EPG5: variants seen among roughly 807,000 people sequenced by gnomAD.
EPG5 encodes ectopic P granules protein 5 homolog.
EPG5 carries 159 observed loss-of-function variants against 302.7 expected under a neutral mutation model. The ratio of observed to expected loss-of-function variants is 0.53; its 90% CI spans 0.46 to 0.60. EPG5 has a LOEUF of 0.60. Ranked by LOEUF, EPG5 falls within the 20% of genes least tolerant of loss-of-function variation. The pLI, the probability that EPG5 is intolerant of heterozygous loss-of-function variation, is 0.00. For missense variants in EPG5, 2,896 were observed against 3,092.4 expected (o/e 0.94, Z 1.51); for synonymous variants, 1,158 against 1,136.8 (o/e 1.02, Z -0.37).
intron 6 of EPG5, among the ~76,000 whole-genome samples, chr18:45,947,205 G>A (rs948216038): frequency 6.6e-6 from 1 of 152,164 alleles, no homozygotes; most frequent in African/African-American, 2.4e-5. Flanking sequence ...ATGAGGTCAA[G>A]AGATCGAGAC....
chr18:45,843,927 G>C (rs2048345686), downstream of EPG5: 1 of 152,146 alleles, frequency 6.6e-6, no homozygotes, highest in Non-Finnish European at 1.5e-5. Context: ...TCCCACTGCT[G>C]GGTATCTGTC....
chr18:45,923,498 G>A, intron 14 of EPG5, 111 bp from the exon 15 acceptor site: 1 of 1,196,700 alleles, frequency 8.4e-7, no homozygotes, highest in Non-Finnish European at 1.1e-6. Flanking sequence ...CGATGTAGAA[G>A]CTAAATGTTC....
intron 16 of EPG5, among the ~76,000 whole-genome samples, chr18:45,918,865 A>G (rs1165134459): frequency 2.6e-5 from 4 of 152,246 alleles, no homozygotes; most frequent in Non-Finnish European, 4.4e-5. Context: ...GAGTCATTGT[A>G]CAAGAGTGGC....
chr18:45,918,363 T>C (rs1410404177), intron 16 of EPG5, among the ~76,000 whole-genome samples: 1 of 152,204 alleles, frequency 6.6e-6, no homozygotes, highest in Non-Finnish European at 1.5e-5. Flanking sequence ...AAATCCAAAA[T>C]GCCCCAATGA....
chr18:45,838,025 A>G, the EPG5 span: 14,758 of 1,195,598 alleles, frequency 0.012, 1,154 homozygotes, highest in African/African-American at 0.19. Context: ...CCTCTCCTCT[A>G]CCCCAGGGAT....
chr18:45,925,874 G>C lies in EPG5; in HGVS notation c.2582C>G (p.Pro861Arg), dbSNP rs1415942232. ...MVSLYLFKEL[P>R]LYLWQPSASE... ...TGCAGAAGGTTGCCAAAGATACAAA[G>C]GCAGTTCTTTAAACAAGTATAGAGA... The change falls in exon 14 of 44, where the codon CCT (proline) becomes CGT (arginine). Residue 861 changes from proline to arginine, a missense_variant. This residue lies in a region of EPG5 where 1,390 missense variants were observed against 1,430.0 expected (regional missense o/e 0.97). Transcript: ENST00000282041. 2 of 1,518,292 alleles carry C rather than the reference G, an allele frequency of 1.3e-6. No individual in the cohort carries two copies. Among genetic ancestry groups the C allele is most frequent in the Non-Finnish European group, 1.8e-6 (2 of 1,135,724 alleles). 94.1% of individuals were successfully genotyped at this position (1,518,292 alleles called of 1,614,324 possible).
chr18:45,853,649 T>C (rs906970458), intron 43 of EPG5, among the ~76,000 whole-genome samples: 1 of 152,136 alleles, frequency 6.6e-6, no homozygotes, highest in African/African-American at 2.4e-5. Flanking sequence ...TCAAAAACCA[T>C]AAGAGAGGGG....
At chr18:45,880,051 C>T (rs1224805652) in intron 32 of EPG5, 24 bp downstream of exon 32, 1 of 1,524,866 alleles carries the variant, frequency 6.6e-7, no homozygotes. Context: ...TGCACAAACA[C>T]GTCAGAGACC....
Position 45,852,573 on chromosome 18 carries a change from TG to T in EPG5, c.7633del (p.Gln2545AsnfsTer3). 1 of 1,614,190 alleles carries T rather than the reference TG, an allele frequency of 6.2e-7. No homozygotes were observed. Among genetic ancestry groups the T allele is most frequent in the Non-Finnish European group, 8.5e-7 (1 of 1,180,026 alleles). ...EYQDQILQAT[Q>X]FIRHPGHCLQ... is the part of the protein sequence containing the mutation. ...GCAATGGCCAGGATGCCTTATAAAT[TG>T]GGTGGCTTGCAATATTTGATCCTGG... On this transcript the variant is annotated frameshift_variant, in exon 44 of 44. Coordinates refer to ENST00000282041, the MANE Select transcript of EPG5 (RefSeq NM_020964.3). LOFTEE classifies it high-confidence loss of function.
chr18:45,846,757 A>G (rs1290316888), downstream of EPG5, among the ~76,000 whole-genome samples: 3 of 152,202 alleles, frequency 2.0e-5, no homozygotes, highest in African/African-American at 7.2e-5. Context: ...GTAAAAGAGT[A>G]AGAAAATGGC....
the EPG5 span, among the ~76,000 whole-genome samples, chr18:45,832,561 T>C: frequency 6.6e-6 from 1 of 152,208 alleles, no homozygotes; most frequent in Non-Finnish European, 1.5e-5. Context: ...GGTCCAGCTG[T>C]GCCAAAGCTA....
rs150022709 is a variant in EPG5 at position 45,955,021 on chromosome 18, A to G, written c.381T>C (p.Asn127=). The stretch of plus-strand genomic sequence containing the variant: ...TGGGGGTTTCTACTTTAGTTCCAAC[A>G]TTGTCTCCAGGGTGGACCTTTGGAG... ...AVTPKVHPGD[N]VGTKVETPKN... is the part of the protein sequence containing the mutation. Residue 127 remains asparagine (N), a synonymous_variant, in exon 2 of 44, where the codon AAT becomes AAC. Transcript: ENST00000282041. The G allele has an allele frequency of 6.2e-7, 1 of 1,614,086 alleles. No individual in the cohort carries two copies. Among genetic ancestry groups the G allele is most frequent in the East Asian group, 2.2e-5 (1 of 44,874 alleles).
intron 1 of EPG5, among the ~76,000 whole-genome samples, chr18:45,959,576 G>A (rs1194587316): frequency 2.0e-5 from 3 of 151,818 alleles, no homozygotes; most frequent in South Asian, 4.2e-4. Context: ...AACCTGGGAG[G>A]CGGAGGTTGC....
chr18:45,834,585 CCATCTTTACGG>C, the EPG5 span, among the ~76,000 whole-genome samples: 1 of 152,154 alleles, frequency 6.6e-6, no homozygotes, highest in East Asian at 1.9e-4. Flanking sequence ...TTGTTCATGC[CCATCTTTACGG>C]CATCTGGCAG....
intron 27 of EPG5, among the ~76,000 whole-genome samples, chr18:45,894,345 G>A (rs1196988677): frequency 9.9e-5 from 15 of 151,784 alleles, no homozygotes; most frequent in African/African-American, 1.9e-4. Context: ...CTGTAATCCC[G>A]GCTACTCAGG....
chr18:45,840,122 C>T, the EPG5 span: 1 of 1,464,206 alleles, frequency 6.8e-7, no homozygotes, highest in Non-Finnish European at 9.5e-7. Context: ...TCCTCGAGAC[C>T]CCTTCCACAT....
intron 1 of EPG5, among the ~76,000 whole-genome samples, chr18:45,958,067 A>C (rs924396455): frequency 6.6e-6 from 1 of 152,244 alleles, no homozygotes; most frequent in African/African-American, 2.4e-5. Flanking sequence ...AAATGAAATT[A>C]GTAAAACAAT....
In EPG5 at chr18:45,939,681, T is replaced by C. The variant is rs775705136; in HGVS notation, c.2018A>G (p.Gln673Arg). 5.6e-6 allele frequency: 9 copies of C among 1,614,126 alleles called. No homozygotes were observed. The highest frequency in any genetic ancestry group is 7.6e-6 in the Non-Finnish European group (9 of 1,180,014). Residue 673 changes from glutamine to arginine, a missense_variant, in exon 10 of 44, where the codon CAG becomes CGG. By Grantham distance (43) the Gln-to-Arg change is conservative. Coordinates refer to ENST00000282041, the MANE Select transcript of EPG5 (RefSeq NM_020964.3). The part of the protein sequence containing the change: ...SHNQGSGLAQ[Q>R]PYSMEKLQVE... ...CTGTAGTTTCTCCATAGAGTAGGGCTGTTGGGCCAATCCTGAGCCTTGGTT... is the reference window on the plus strand; with the variant it reads ...CTGTAGTTTCTCCATAGAGTAGGGCCGTTGGGCCAATCCTGAGCCTTGGTT...
the EPG5 span, among the ~76,000 whole-genome samples, chr18:45,809,034 G>T: frequency 6.6e-6 from 1 of 152,072 alleles, no homozygotes; most frequent in African/African-American, 2.4e-5. Flanking sequence ...TAAGGTAAAG[G>T]GGTGGAAAAA....
Sources: gnomAD v4.1 joint callset for allele counts (sites outside exome capture counted in the v4.1 genomes callset) on GRCh38, gnomAD v4.1.1 for gene constraint, gnomAD v4.1.1 regional missense constraint, MANE v1.5 for transcripts, NCBI Gene and HGNC (gene_info 2026-07-23, HGNC 2026-07-21) for gene names.